ADCY9: variants seen among roughly 807,000 people sequenced by gnomAD.
ADCY9 encodes adenylate cyclase type 9.
ADCY9 carries 50 observed loss-of-function variants against 101.5 expected under a neutral mutation model. The ratio of observed to expected loss-of-function variants is 0.49; its 90% CI spans 0.39 to 0.62. ADCY9 has a LOEUF of 0.62. Among genes scored for constraint, ADCY9 ranks in the 20% least tolerant of loss-of-function variants. The pLI is 0.00. For missense variants in ADCY9, 1,662 were observed against 1,800.4 expected (o/e 0.92, Z 1.39); for synonymous variants, 905 against 769.3 (o/e 1.18, Z -2.92).
At chr16:4,049,256 G>A (rs1351341803) in intron 2 of ADCY9, among the ~76,000 whole-genome samples, 2 of 152,196 alleles carry the variant, frequency 1.3e-5, no homozygotes, top group African/African-American at 4.8e-5. Flanking sequence ...TACAGAACCT[G>A]ACCTGGGACC....
At chr16:4,024,608 C>T (rs2056501647) in intron 2 of ADCY9, among the ~76,000 whole-genome samples, 2 of 152,070 alleles carry the variant, frequency 1.3e-5, no homozygotes. Context: ...TGGCGAATGG[C>T]TCCGGAGGTG....
chr16:4,002,788 C>T (rs1336884639), intron 3 of ADCY9, among the ~76,000 whole-genome samples: 1 of 152,214 alleles, frequency 6.6e-6, no homozygotes, highest in Non-Finnish European at 1.5e-5. Flanking sequence ...GGTCTCAGCT[C>T]ACTGCAACCT....
intron 2 of ADCY9, among the ~76,000 whole-genome samples, chr16:4,099,203 G>T (rs2057027204): frequency 6.6e-6 from 1 of 152,102 alleles, no homozygotes; most frequent in Non-Finnish European, 1.5e-5. Context: ...AAAGTGCTGG[G>T]ATTACAGACG....
chr16:4,032,433 G>C (rs768292909), intron 2 of ADCY9, among the ~76,000 whole-genome samples: 3 of 152,076 alleles, frequency 2.0e-5, no homozygotes, highest in African/African-American at 4.8e-5. Context: ...AACCTGCCTG[G>C]TAGATATGCA....
intron 2 of ADCY9, among the ~76,000 whole-genome samples, chr16:4,076,843 A>G (rs2056870487): frequency 6.6e-6 from 1 of 152,038 alleles, no homozygotes; most frequent in Non-Finnish European, 1.5e-5. Context: ...TTGGGAGGCC[A>G]AGGGAGGAGG....
At chr16:4,070,856 G>A (rs6500574) in intron 2 of ADCY9, among the ~76,000 whole-genome samples, 25,941 of 151,984 alleles carry the variant, frequency 0.17, 2,383 homozygotes, top group African/African-American at 0.25. Flanking sequence ...TGAGATGGGA[G>A]GATTACTTTG....
chr16:4,106,352 T>C (rs1238837868), intron 2 of ADCY9, among the ~76,000 whole-genome samples: 2 of 152,168 alleles, frequency 1.3e-5, no homozygotes, highest in Non-Finnish European at 2.9e-5. Context: ...ACACCACGGA[T>C]GGCGGCCCCA....
At chr16:4,105,517 C>CA (rs796399538) in intron 2 of ADCY9, among the ~76,000 whole-genome samples, 1,622 of 113,502 alleles carry the variant, frequency 0.014, 25 homozygotes, top group African/African-American at 0.046. Flanking sequence ...ACTAAAAATA[C>CA]AAAAAAAAAA....
chr16:3,959,093 G>T (rs1354715981), downstream of ADCY9, among the ~76,000 whole-genome samples: 2 of 152,098 alleles, frequency 1.3e-5, no homozygotes, highest in African/African-American at 2.4e-5. Context: ...AGGCACGGTG[G>T]CTCACATCTG....
In ADCY9 at chr16:3,977,514, C is replaced by T. The variant is rs1333868620; in HGVS notation, c.2796G>A (p.Leu932=). 25 of 1,581,272 alleles carry T rather than the reference C, an allele frequency of 1.6e-5. No homozygotes were observed. Among genetic ancestry groups the T allele is most frequent in the Non-Finnish European group, 2.1e-5 (25 of 1,163,734 alleles). ...GGCACAGGGAGACGTAGAGCAGGAG[C>T]AGCGGCCCGGCCCCCACGACGGTGG... is the stretch of plus-strand genomic sequence containing the variant. ...SLATVVGAGP[L]LLLYVSLCPD... is the part of the protein sequence containing the mutation. The change falls in exon 9 of 11, where the codon CTG becomes CTA. Residue 932 remains leucine, a synonymous_variant. Transcript: ENST00000294016.
chr16:3,983,667 G>C (rs117227418), intron 6 of ADCY9: 5 of 561,216 alleles, frequency 8.9e-6, no homozygotes, highest in South Asian at 6.8e-5. Flanking sequence ...GGTGGCTCAC[G>C]CCTGTAATCC....
Position 3,977,430 on chromosome 16 carries a change from C to G in ADCY9, c.2828+52G>C, listed in dbSNP as rs754871190. On this transcript the variant is annotated intron_variant, in intron 9 of 10. Coordinates refer to ENST00000294016, the MANE Select transcript of ADCY9 (RefSeq NM_001116.4). ...AATGCAGCCAGGCCCTACGCAACCTCGGGCAAGGTGGCCACGCACCCTGGT... is the reference window on the plus strand; with the variant it reads ...AATGCAGCCAGGCCCTACGCAACCTGGGGCAAGGTGGCCACGCACCCTGGT... The G allele has an allele frequency of 8.5e-6, 13 of 1,531,014 alleles. No homozygotes were observed. In the Admixed American group the frequency reaches 2.2e-4, roughly 26 times the overall value. 94.8% of individuals were successfully genotyped at this position (1,531,014 alleles called of 1,614,324 possible).
intron 2 of ADCY9, among the ~76,000 whole-genome samples, chr16:4,098,260 A>T (rs1451201061): frequency 2.0e-5 from 3 of 149,208 alleles, no homozygotes; most frequent in Admixed American, 2.0e-4. Flanking sequence ...TTTTTTTTTG[A>T]GACAGAATCT....
intron 6 of ADCY9, among the ~76,000 whole-genome samples, chr16:3,988,582 CCCCTTCCATGGCAGGTGGGGGGG>C (rs2056216803): frequency 9.7e-6 from 1 of 103,228 alleles, no homozygotes; most frequent in Non-Finnish European, 1.8e-5. Flanking sequence ...AGGTGGGGGA[CCCCTTCCATGGCAGGTGGGGGGG>C]GTTCCTTTAC....
At chr16:4,091,058 T>C (rs1319021908) in intron 2 of ADCY9, among the ~76,000 whole-genome samples, 1 of 147,824 alleles carries the variant, frequency 6.8e-6, no homozygotes, top group Non-Finnish European at 1.5e-5. Flanking sequence ...TATAAGTTCC[T>C]ATTTTATTAT....
chr16:4,069,176 C>G (rs2056818197), intron 2 of ADCY9, among the ~76,000 whole-genome samples: 1 of 152,130 alleles, frequency 6.6e-6, no homozygotes, highest in Admixed American at 6.5e-5. Context: ...GTTCCCTTTC[C>G]TCTCACCACC....
At chr16:4,044,784 T>G (rs1199468859) in intron 2 of ADCY9, among the ~76,000 whole-genome samples, 1 of 152,134 alleles carries the variant, frequency 6.6e-6, no homozygotes, top group African/African-American at 2.4e-5. Context: ...ATCCCAGCAA[T>G]TTTTCAGGAC....
At chr16:3,999,536 G>C (rs1165992389) in intron 3 of ADCY9, among the ~76,000 whole-genome samples, 1 of 152,150 alleles carries the variant, frequency 6.6e-6, no homozygotes, top group East Asian at 1.9e-4. Flanking sequence ...TCCCTAGAGT[G>C]ACCTGAGCAG....
chr16:4,056,698 C>G (rs2056740052), intron 2 of ADCY9, among the ~76,000 whole-genome samples: 1 of 152,220 alleles, frequency 6.6e-6, no homozygotes, highest in South Asian at 2.1e-4. Flanking sequence ...GACTGACACT[C>G]TCAAATTCCC....
Sources: gnomAD v4.1 joint callset for allele counts (sites outside exome capture counted in the v4.1 genomes callset) on GRCh38, gnomAD v4.1.1 for gene constraint, MANE v1.5 for transcripts, NCBI Gene and HGNC (gene_info 2026-07-23, HGNC 2026-07-21) for gene names.